Variants in CCDC158 observed in about 807,000 individuals in gnomAD.
CCDC158 encodes coiled-coil domain-containing protein 158.
A neutral mutation model predicts 138.6 loss-of-function variants in CCDC158; 116 were observed. The observed-to-expected ratio is 0.84, with a 90% CI of 0.72 to 0.98. The LOEUF is 0.98. Ranked by LOEUF, CCDC158 falls within the 50% of genes least tolerant of loss-of-function variation. CCDC158 has a pLI of 0.00. For missense variants in CCDC158, 1,265 were observed against 1,306.1 expected, an observed-to-expected ratio of 0.97 and a Z score of 0.48; for synonymous variants, 436 against 442.4, an observed-to-expected ratio of 0.99 and a Z score of 0.18.
intron 22 of CCDC158, 43 bp from the exon 23 acceptor site, chr4:76,326,058 A>G: frequency 6.6e-7 from 1 of 1,515,114 alleles, no homozygotes; most frequent in Non-Finnish European, 9.0e-7. Context: ...AGAATTAATT[A>G]AAAATAGCAA....
At chr4:76,361,519 G>A (rs983560225) in intron 13 of CCDC158, among the ~76,000 whole-genome samples, 48 of 152,270 alleles carry the variant, frequency 3.2e-4, no homozygotes, top group African/African-American at 9.9e-4. Flanking sequence ...CTGAGATCAC[G>A]CCACTGCACT....
Position 76,421,101 on chromosome 4 carries a change from T to C in CCDC158, c.-253A>G, listed in dbSNP as rs1211048491. 6.6e-6 allele frequency among the ~76,000 whole-genome samples: 1 copy of C among 151,862 alleles called. No individual in the cohort carries two copies. Among genetic ancestry groups the C allele is most frequent in the African/African-American group, 2.4e-5 (1 of 41,372 alleles). ...CTTCGCCCCTAGGCCCCGCGGAGGC[T>C]GCGGGGCGGCTCCTCCTCCTCGGCT... On this transcript the variant is annotated 5_prime_UTR_variant, in exon 1 of 25. Transcript: ENST00000682701.
At chr4:76,323,198 A>T in intron 24 of CCDC158, 104 bp downstream of exon 24, 1 of 741,930 alleles carries the variant, frequency 1.3e-6, no homozygotes, top group Non-Finnish European at 2.2e-6. Flanking sequence ...TACAGTTGTT[A>T]ATTCAATACC....
rs1728552936 is a variant in CCDC158 at position 76,403,161 on chromosome 4, C to T, written c.47G>A (p.Ser16Asn). Reference sequence around the variant, plus strand: ...ACCTCCATTAGATGTGACACCACTACTTGATAAAAGATCTTCATTATTTGA... The same window carrying T: ...ACCTCCATTAGATGTGACACCACTATTTGATAAAAGATCTTCATTATTTGA... ...WESNNEDLLS[S>N]SGVTSNGGSS... is the part of the protein sequence containing the mutation. The change falls in exon 3 of 25, where the codon AGT becomes AAT. Residue 16 changes from serine to asparagine, a missense_variant. Coordinates refer to ENST00000682701, the MANE Select transcript of CCDC158 (RefSeq NM_001394954.1). 6.2e-7 allele frequency: 1 copy of T among 1,605,972 alleles called. No homozygotes were observed. Among genetic ancestry groups the T allele is most frequent in the Admixed American group, 1.7e-5 (1 of 58,722 alleles).
chr4:76,350,621 G>A (rs1022528021), intron 18 of CCDC158, among the ~76,000 whole-genome samples: 5 of 151,984 alleles, frequency 3.3e-5, no homozygotes, highest in Non-Finnish European at 5.9e-5. Context: ...ATAAAATTCT[G>A]TTATAAATAA....
intron 2 of CCDC158, among the ~76,000 whole-genome samples, chr4:76,409,314 G>T (rs1463938674): frequency 6.7e-6 from 1 of 149,288 alleles, no homozygotes; most frequent in Non-Finnish European, 1.5e-5. Context: ...AAAAAGCAAG[G>T]TTTTTTGCTT....
At chr4:76,409,445 C>T (rs1201483015) in intron 2 of CCDC158, among the ~76,000 whole-genome samples, 1 of 152,110 alleles carries the variant, frequency 6.6e-6, no homozygotes, top group Non-Finnish European at 1.5e-5. Context: ...AGATCTTGGC[C>T]TCTTCTGACA....
At chr4:76,338,606 A>T (rs540027922) in intron 18 of CCDC158, among the ~76,000 whole-genome samples, 1 of 152,236 alleles carries the variant, frequency 6.6e-6, no homozygotes, top group Non-Finnish European at 1.5e-5. Flanking sequence ...TCAAAACCCT[A>T]TCAGTATGTG....
chr4:76,404,891 GGAGT>G (rs1728693016), intron 2 of CCDC158, among the ~76,000 whole-genome samples: 1 of 151,870 alleles, frequency 6.6e-6, no homozygotes, highest in Non-Finnish European at 1.5e-5. Context: ...ACAAAAAAAA[GGAGT>G]GAGAGAGGAC....
intron 1 of CCDC158, among the ~76,000 whole-genome samples, chr4:76,417,345 C>T (rs1209385540): frequency 3.3e-5 from 5 of 152,076 alleles, no homozygotes; most frequent in Non-Finnish European, 1.5e-5. Flanking sequence ...CTTGGCTCGT[C>T]TCAGATGAGA....
chr4:76,321,616 A>T (rs1316719615), intron 24 of CCDC158, among the ~76,000 whole-genome samples: 1 of 147,240 alleles, frequency 6.8e-6, no homozygotes, highest in Non-Finnish European at 1.5e-5. Context: ...TTATATATAT[A>T]TGCACACACC....
At chr4:76,405,755 T>C (rs1340890472) in intron 2 of CCDC158, among the ~76,000 whole-genome samples, 1 of 151,932 alleles carries the variant, frequency 6.6e-6, no homozygotes, top group Non-Finnish European at 1.5e-5. Context: ...CACTTAAAAC[T>C]GAGAAAAAGT....
intron 1 of CCDC158, among the ~76,000 whole-genome samples, chr4:76,415,657 A>G (rs764952720): frequency 3.3e-5 from 5 of 152,198 alleles, no homozygotes; most frequent in Non-Finnish European, 5.9e-5. Flanking sequence ...TACAATCATA[A>G]CCTAGGAAAA....
At chr4:76,385,180 C>T (rs181658345) in intron 4 of CCDC158, among the ~76,000 whole-genome samples, 5 of 152,248 alleles carry the variant, frequency 3.3e-5, no homozygotes, top group Admixed American at 6.5e-5. Context: ...ACCTAATCCT[C>T]CCAAAGCAAA....
At chr4:76,336,101 G>A (rs966530792) in intron 18 of CCDC158, among the ~76,000 whole-genome samples, 1 of 143,308 alleles carries the variant, frequency 7.0e-6, no homozygotes, top group Non-Finnish European at 1.5e-5. Context: ...AGAATGGCAT[G>A]AGCCCAGGAG....
chr4:76,398,947 A>C (rs972801476), intron 3 of CCDC158, among the ~76,000 whole-genome samples: 1 of 152,162 alleles, frequency 6.6e-6, no homozygotes, highest in African/African-American at 2.4e-5. Context: ...AAAATACCTA[A>C]GACTTTTTGG....
chr4:76,420,253 A>C (rs1285297433), intron 1 of CCDC158, among the ~76,000 whole-genome samples: 3 of 151,114 alleles, frequency 2.0e-5, no homozygotes, highest in African/African-American at 7.3e-5. Flanking sequence ...CTTTCCCCAC[A>C]CGCCCCCGCC....
Position 76,384,115 on chromosome 4 carries a change from A to C in CCDC158, c.699T>G (p.Ile233Met), listed in dbSNP as rs1278555993. The C allele has an allele frequency of 1.2e-6, 2 of 1,609,354 alleles. No individual in the cohort carries two copies. The highest frequency in any genetic ancestry group is 2.2e-5 in the South Asian group (2 of 90,810). ...GAAATATCCTCCCTTTAAGATAAGA[A>C]ATCTCTGTGTCTAATTCTCTTAGTA... ...SKILRELDTE[I>M]SYLKGRIFPV... Residue 233 changes from isoleucine (I) to methionine (M), a missense_variant, in exon 6 of 25, where the codon ATT becomes ATG. Transcript: ENST00000682701.
At chr4:76,344,257 G>C (rs955204230) in intron 18 of CCDC158, among the ~76,000 whole-genome samples, 2 of 152,156 alleles carry the variant, frequency 1.3e-5, no homozygotes, top group African/African-American at 4.8e-5. Flanking sequence ...ATTCATAATT[G>C]CTACAAAGAG....
Sources: gnomAD v4.1 joint callset for allele counts (sites outside exome capture counted in the v4.1 genomes callset) on GRCh38, gnomAD v4.1.1 for gene constraint, MANE v1.5 for transcripts, NCBI Gene and HGNC (gene_info 2026-07-23, HGNC 2026-07-21) for gene names.